SH3BGRL: variants seen among roughly 807,000 people sequenced by gnomAD.
The protein encoded by SH3BGRL is SH3 domain binding glutamate rich protein like.
In SH3BGRL, 7 loss-of-function variants were observed where a neutral mutation model predicts 9.8. The observed-to-expected ratio is 0.72, with a 90% CI of 0.41 to 1.35. The LOEUF (loss-of-function observed/expected upper bound fraction) is 1.35. Ranked by LOEUF, SH3BGRL falls within the 40% of genes most tolerant of loss-of-function variation. SH3BGRL has a pLI of 0.01. For missense variants in SH3BGRL, 73 were observed against 84.4 expected (o/e 0.86, Z 0.53); for synonymous variants, 36 against 29.1 (o/e 1.24, Z -0.76).
chrX:81,242,778 A>G (rs891221217), intron 1 of SH3BGRL, among the ~76,000 whole-genome samples: 1 of 112,056 alleles, frequency 8.9e-6, no homozygotes, highest in Admixed American at 9.4e-5. Flanking sequence ...ACAATCAGAC[A>G]TGGAAAAGTG....
chrX:81,202,673 C>A, intron 1 of SH3BGRL: 3 of 493,212 alleles, frequency 6.1e-6, no homozygotes, highest in Non-Finnish European at 7.5e-6. Flanking sequence ...CATGCTGTAA[C>A]TGGTGGGGAT....
chrX:81,282,709 C>T (rs541618592), intron 3 of SH3BGRL, among the ~76,000 whole-genome samples: 5 of 111,577 alleles, frequency 4.5e-5, no homozygotes, highest in East Asian at 2.8e-4. Context: ...TGGCCCTAAA[C>T]GCCTACATCA....
At chrX:81,261,519 G>A (rs2075741295) in intron 1 of SH3BGRL, among the ~76,000 whole-genome samples, 1 of 110,651 alleles carries the variant, frequency 9.0e-6, no homozygotes, top group South Asian at 3.8e-4. Flanking sequence ...TGTGATGGAG[G>A]AGCCCATAAC....
chrX:81,268,392 T>C (rs2075765233), intron 1 of SH3BGRL, among the ~76,000 whole-genome samples: 1 of 112,246 alleles, frequency 8.9e-6, no homozygotes. Flanking sequence ...CTGCTTTAAA[T>C]GTGTCCCAGA....
intron 3 of SH3BGRL, among the ~76,000 whole-genome samples, chrX:81,290,462 G>A (rs2075853842): frequency 9.0e-6 from 1 of 111,501 alleles, no homozygotes; most frequent in African/African-American, 3.3e-5. Context: ...CATTTTAAGT[G>A]ATATAAGCCA....
Position 81,210,116 on chromosome X carries a change from C to A in SH3BGRL, c.45+7871C>A, listed in dbSNP as rs781472909. Reference sequence around the variant, plus strand: ...TGAGACCCTATCCTAGAGTTAGGGTCTAGCCAAGCCTTTCTGCTTGGGGGA... The same window carrying A: ...TGAGACCCTATCCTAGAGTTAGGGTATAGCCAAGCCTTTCTGCTTGGGGGA... On this transcript the variant is annotated intron_variant, in intron 1 of 3. Transcript: ENST00000373212. Among the ~76,000 whole-genome samples, 7 of 110,712 alleles carry A rather than the reference C, an allele frequency of 6.3e-5. No homozygotes were observed. In the South Asian group the frequency reaches 2.7e-3, roughly 43 times the overall value.
chrX:81,209,562 C>T (rs899543983), intron 1 of SH3BGRL, among the ~76,000 whole-genome samples: 4 of 111,488 alleles, frequency 3.6e-5, no homozygotes, highest in Non-Finnish European at 5.6e-5. Flanking sequence ...TCTGGTTGTT[C>T]GGACTTCAGA....
chrX:81,267,519 C>A (rs1365600439), intron 1 of SH3BGRL, among the ~76,000 whole-genome samples: 1 of 111,624 alleles, frequency 9.0e-6, no homozygotes, highest in African/African-American at 3.3e-5. Flanking sequence ...TTATTGATTT[C>A]TGTGTGTTGA....
intron 3 of SH3BGRL, among the ~76,000 whole-genome samples, chrX:81,283,777 G>T: frequency 9.0e-6 from 1 of 110,831 alleles, no homozygotes; most frequent in East Asian, 2.8e-4. Context: ...GATGCCCACT[G>T]TCACCACTAC....
At chrX:81,220,416 A>C (rs1018762734) in intron 1 of SH3BGRL, among the ~76,000 whole-genome samples, 1 of 111,444 alleles carries the variant, frequency 9.0e-6, no homozygotes, top group Admixed American at 9.5e-5. Flanking sequence ...ATAGTTGCTC[A>C]TAGTAGCCTC....
intron 3 of SH3BGRL, among the ~76,000 whole-genome samples, chrX:81,279,887 A>G (rs773717596): frequency 4.5e-5 from 5 of 111,884 alleles, no homozygotes; most frequent in Non-Finnish European, 7.5e-5. Context: ...AGGCAAGGGA[A>G]GAACCAAAAC....
chrX:81,291,158 T>C (rs1169576056), intron 3 of SH3BGRL, among the ~76,000 whole-genome samples: 1 of 112,052 alleles, frequency 8.9e-6, no homozygotes, highest in Non-Finnish European at 1.9e-5. Context: ...CTTTTCCTTT[T>C]TTGACTAGGC....
chrX:81,297,354 C>T lies in SH3BGRL; in HGVS notation c.*127C>T. The stretch of plus-strand genomic sequence containing the variant: ...AAATAATAGATTAGTTGGGTTTTCA[C>T]ATGCAAACATTCAAAATGAATACAA... On this transcript the variant is annotated 3_prime_UTR_variant, in exon 4 of 4. Coordinates refer to ENST00000373212, the MANE Select transcript of SH3BGRL (RefSeq NM_003022.3). The T allele has an allele frequency of 2.0e-6, 1 of 503,819 alleles. No homozygotes were observed. Among genetic ancestry groups the T allele is most frequent in the South Asian group, 3.9e-5 (1 of 25,882 alleles). The allele number at this position is 503,819 out of a possible 1,213,427, so 41.5% of individuals were successfully genotyped here.
intron 1 of SH3BGRL, among the ~76,000 whole-genome samples, chrX:81,275,767 T>C (rs1008893390): frequency 1.8e-5 from 2 of 112,388 alleles, no homozygotes; most frequent in Non-Finnish European, 3.8e-5. Flanking sequence ...CTAAATAGCA[T>C]TGAAAACTTT....
intron 1 of SH3BGRL, among the ~76,000 whole-genome samples, chrX:81,268,410 G>A (rs1208275106): frequency 9.0e-6 from 1 of 111,730 alleles, no homozygotes; most frequent in African/African-American, 3.3e-5. Context: ...AGAGATTCCG[G>A]TACATTGTAT....
intron 3 of SH3BGRL, among the ~76,000 whole-genome samples, chrX:81,289,918 G>T (rs1257828181): frequency 1.8e-5 from 2 of 112,009 alleles, no homozygotes; most frequent in Non-Finnish European, 3.8e-5. Context: ...GTAGGCAAAA[G>T]ATTTGAATAA....
intron 1 of SH3BGRL, among the ~76,000 whole-genome samples, chrX:81,227,280 C>CA (rs1449353580): frequency 8.9e-6 from 1 of 112,400 alleles, no homozygotes; most frequent in Non-Finnish European, 1.9e-5. Flanking sequence ...GAAATGGCCA[C>CA]ATTTTATTTT....
At chrX:81,261,016 T>TA (rs67993645) in intron 1 of SH3BGRL, among the ~76,000 whole-genome samples, 18,146 of 110,864 alleles carry the variant, frequency 0.16, 1,504 homozygotes, top group East Asian at 0.63. Context: ...AAGTAGAAGT[T>TA]AAATTTAAAT....
intron 1 of SH3BGRL, chrX:81,202,545 G>A (rs2075532275): frequency 2.3e-6 from 2 of 871,577 alleles, no homozygotes; most frequent in Admixed American, 1.3e-4. Context: ...CGGTCTTTAG[G>A]GTTACGTGAA....
Sources: gnomAD v4.1 joint callset for allele counts (sites outside exome capture counted in the v4.1 genomes callset) on GRCh38, gnomAD v4.1.1 for gene constraint, MANE v1.5 for transcripts, NCBI Gene and HGNC (gene_info 2026-07-23, HGNC 2026-07-21) for gene names.